The following ZBTB46 variants were observed in gnomAD, a reference collection of about 807,000 sequenced individuals.
The protein encoded by ZBTB46 is zinc finger and BTB domain-containing protein 46.
In ZBTB46, 8 loss-of-function variants were observed where a neutral mutation model predicts 44.1. The ratio of observed to expected loss-of-function variants is 0.18; its 90% CI spans 0.11 to 0.33. ZBTB46 has a LOEUF of 0.33. Among genes scored for constraint, ZBTB46 ranks in the 10% least tolerant of loss-of-function variants. The pLI, the probability that ZBTB46 is intolerant of heterozygous loss-of-function variation, is 1.00. For missense variants in ZBTB46, 651 were observed against 847.7 expected (o/e 0.77, Z 2.88); for synonymous variants, 409 against 382.3 (o/e 1.07, Z -0.81).
chr20:63,796,101 C>T (rs1406386213), intron 1 of ZBTB46, among the ~76,000 whole-genome samples: 1 of 152,260 alleles, frequency 6.6e-6, no homozygotes, highest in Non-Finnish European at 1.5e-5. Flanking sequence ...GATGAATATA[C>T]TCCATTTGCT....
chr20:63,802,548 G>A (rs1252443848), intron 1 of ZBTB46, among the ~76,000 whole-genome samples: 1 of 152,070 alleles, frequency 6.6e-6, no homozygotes, highest in East Asian at 1.9e-4. Flanking sequence ...AGGCTGGAGA[G>A]AGGCCTGGAG....
rs1386082316 is a variant in ZBTB46 at position 63,782,096 on chromosome 20, A to AAAAAAAAG, written c.938-6135_938-6134insCTTTTTTT. Among the ~76,000 whole-genome samples the AAAAAAAAG allele has an allele frequency of 3.2e-5, 4 of 124,922 alleles. 1 individual carries two copies. The highest frequency in any genetic ancestry group is 5.0e-5 in the Non-Finnish European group (3 of 59,650). 82.0% of individuals were successfully genotyped at this position (124,922 alleles called of 152,430 possible). On this transcript the variant is annotated intron_variant, in intron 2 of 4. Transcript: ENST00000245663. ...AGCAAGACTCCGTCTCAAAAAAAAA[A>AAAAAAAAG]AAAAGAAAAGAGGCGTGGCGATTTT...
At chr20:63,783,083 T>C (rs760857697) in intron 2 of ZBTB46, among the ~76,000 whole-genome samples, 7 of 151,736 alleles carry the variant, frequency 4.6e-5, no homozygotes, top group Non-Finnish European at 7.4e-5. Flanking sequence ...TGAGCCGAGA[T>C]TGTACCACTG....
intron 1 of ZBTB46, among the ~76,000 whole-genome samples, chr20:63,822,235 C>T (rs937507028): frequency 8.5e-5 from 13 of 152,310 alleles, no homozygotes; most frequent in African/African-American, 2.6e-4. Context: ...CGTCGGGAAC[C>T]GGAGGTGGCT....
At chr20:63,828,487 A>G (rs2092831409) in intron 1 of ZBTB46, among the ~76,000 whole-genome samples, 1 of 152,168 alleles carries the variant, frequency 6.6e-6, no homozygotes, top group Non-Finnish European at 1.5e-5. Context: ...GAGGGGACAG[A>G]TTCAAAGGGT....
intron 3 of ZBTB46, among the ~76,000 whole-genome samples, chr20:63,759,724 C>T (rs1026245377): frequency 1.3e-5 from 2 of 152,160 alleles, no homozygotes; most frequent in African/African-American, 2.4e-5. Flanking sequence ...GTATCGTTCC[C>T]GTGCTCAGAG....
At chr20:63,782,416 GC>G (rs1267510849) in intron 2 of ZBTB46, among the ~76,000 whole-genome samples, 2 of 152,190 alleles carry the variant, frequency 1.3e-5, no homozygotes, top group African/African-American at 4.8e-5. Flanking sequence ...GCTTCCAGAA[GC>G]CAGAAGAGGC....
chr20:63,807,509 T>C (rs893548273), intron 1 of ZBTB46, among the ~76,000 whole-genome samples: 5 of 152,162 alleles, frequency 3.3e-5, no homozygotes, highest in African/African-American at 1.2e-4. Flanking sequence ...CATACCTGGC[T>C]AATTTTTGCA....
intron 4 of ZBTB46, among the ~76,000 whole-genome samples, chr20:63,751,399 C>T (rs1228787949): frequency 6.6e-6 from 1 of 152,094 alleles, no homozygotes; most frequent in African/African-American, 2.4e-5. Context: ...CGCTCCATAT[C>T]CACTCCAGCA....
chr20:63,764,157 C>A (rs1296991984), intron 3 of ZBTB46, among the ~76,000 whole-genome samples: 1 of 152,080 alleles, frequency 6.6e-6, no homozygotes, highest in Non-Finnish European at 1.5e-5. Flanking sequence ...AATTTATAGG[C>A]CAAGCACGGT....
At chr20:63,779,561 AG>A (rs1234445476) in intron 2 of ZBTB46, among the ~76,000 whole-genome samples, 4 of 151,928 alleles carry the variant, frequency 2.6e-5, no homozygotes, top group South Asian at 2.1e-4. Context: ...CTGGGACTAC[AG>A]GGCGCCTGCC....
upstream of ZBTB46, chr20:63,831,297 GCCGCCCGCGCGCGCGCGCC>G (rs1600743466): frequency 9.2e-6 from 1 of 108,286 alleles, no homozygotes; most frequent in East Asian, 3.6e-4. Context: ...CGCGGCCCCC[GCCGCCCGCGCGCGCGCGCC>G]CCGCCCGCGG....
chr20:63,831,329 C>A (rs1214061205), upstream of ZBTB46: 1 of 139,986 alleles, frequency 7.1e-6, no homozygotes, highest in African/African-American at 2.6e-5. Flanking sequence ...GCCCGCGGAC[C>A]CTGACCCCGC....
rs1389558798 is a variant in ZBTB46 at position 63,746,941 on chromosome 20, A to G, written c.1759T>C (p.Trp587Arg). ...PPGGPDKDFAWLS is the reference protein window; with the variant it reads ...PPGGPDKDFARLS ...GCCGGCGGGCGGGCCTAGGAGAGCC[A>G]GGCGAAGTCCTTGTCAGGGCCTCCT... Residue 587 changes from tryptophan to arginine, a missense_variant, in exon 5 of 5, where the codon TGG becomes CGG. Coordinates refer to ENST00000245663, the MANE Select transcript of ZBTB46 (RefSeq NM_001369741.1). The G allele has an allele frequency of 6.4e-7, 1 of 1,557,750 alleles. No individual in the cohort carries two copies. The highest frequency in any genetic ancestry group is 1.9e-5 in the Admixed American group (1 of 53,596).
chr20:63,772,731 A>AC (rs1211568928), intron 3 of ZBTB46, among the ~76,000 whole-genome samples: 1 of 48,994 alleles, frequency 2.0e-5, no homozygotes, highest in African/African-American at 1.7e-4. Flanking sequence ...AAACACACAC[A>AC]CACACACACA....
Position 63,784,189 on chromosome 20 carries a change from G to A in ZBTB46, c.937+5632C>T, listed in dbSNP as rs115307216. ...ATCCCCAGCAAAGAGCTCTGGGGGC[G>A]GTGAGGAGCTGCTGTCAGCACAAGG... On this transcript the variant is annotated intron_variant, in intron 2 of 4. Coordinates refer to ENST00000245663, the MANE Select transcript of ZBTB46 (RefSeq NM_001369741.1). Among the ~76,000 whole-genome samples the A allele has an allele frequency of 2.1e-3, 323 of 152,332 alleles. 1 individual carries two copies. Among genetic ancestry groups the A allele is most frequent in the African/African-American group, 7.4e-3 (308 of 41,560 alleles).
chr20:63,820,162 C>T (rs1200659975), intron 1 of ZBTB46, among the ~76,000 whole-genome samples: 2 of 151,892 alleles, frequency 1.3e-5, no homozygotes, highest in South Asian at 2.1e-4. Context: ...GGCACGATTT[C>T]GGCTCACTGC....
At chr20:63,816,035 AGGTGCGGTGGGTGCAGGTGC>A in intron 1 of ZBTB46, among the ~76,000 whole-genome samples, 1 of 141,480 alleles carries the variant, frequency 7.1e-6, no homozygotes, top group African/African-American at 2.7e-5. Flanking sequence ...AGGTGGGCAC[AGGTGCGGTGGGTGCAGGTGC>A]GGTGGGCGCA....
rs1209420114 is a variant in ZBTB46 at position 63,744,087 on chromosome 20, C to G, written c.*2843G>C. ...CTCACTACAAGTAGTTCTAAAAGGG[C>G]TGCATACAAAACACAATATAAGATC... On this transcript the variant is annotated 3_prime_UTR_variant, in exon 5 of 5. Coordinates refer to ENST00000245663, the MANE Select transcript of ZBTB46 (RefSeq NM_001369741.1). 1 of 152,310 alleles carries G rather than the reference C, an allele frequency of 6.6e-6. No individual in the cohort carries two copies. The highest frequency in any genetic ancestry group is 2.4e-5 in the African/African-American group (1 of 41,402). The allele number at this position is 152,310 out of a possible 1,614,324, so 9.4% of individuals were successfully genotyped here.
Sources: allele counts gnomAD v4.1 joint callset (sites outside exome capture counted in the v4.1 genomes callset), GRCh38; gene constraint gnomAD v4.1.1; transcripts MANE v1.5; gene names NCBI Gene and HGNC (gene_info 2026-07-23, HGNC 2026-07-21).